The following CCBE1 variants were observed in gnomAD, a reference collection of about 807,000 sequenced individuals.
CCBE1 encodes the protein collagen and calcium binding EGF domains 1.
Under a neutral mutation model 50.0 loss-of-function variants are expected in CCBE1, and 37 were observed. The ratio of observed to expected loss-of-function variants is 0.74; its 90% CI spans 0.57 to 0.97. CCBE1 has a LOEUF of 0.97. Among genes scored for constraint, CCBE1 ranks in the 50% least tolerant of loss-of-function variants. The pLI, the probability that CCBE1 is intolerant of heterozygous loss-of-function variation, is 0.00. For missense variants in CCBE1, 538 were observed against 523.8 expected, an observed-to-expected ratio of 1.03 and a Z score of -0.26; for synonymous variants, 234 against 203.7, an observed-to-expected ratio of 1.15 and a Z score of -1.27.
chr18:59,636,687 TAAAGG>T, intron 2 of CCBE1, among the ~76,000 whole-genome samples: 1 of 152,274 alleles, frequency 6.6e-6, no homozygotes, highest in East Asian at 1.9e-4. Context: ...ATCCTCACAC[TAAAGG>T]AAAGTCTTCA....
rs1911910797 is a variant in CCBE1, at chr18:59,469,356, TA to T, written c.400+116del. On this transcript the variant is annotated intron_variant, in intron 4 of 10. Transcript: ENST00000439986. ...GGGCAGTGATAAGCTATCCCTAGGATAATATCAAACACAACTCCATCCAACA... is the reference window on the plus strand; with the variant it reads ...GGGCAGTGATAAGCTATCCCTAGGATATATCAAACACAACTCCATCCAACA... 5.9e-6 allele frequency: 8 copies of T among 1,352,760 alleles called. No individual in the cohort carries two copies. The East Asian group carries it at 1.8e-4, about 31-fold the overall frequency. The allele number at this position is 1,352,760 out of a possible 1,614,324, so 83.8% of individuals were successfully genotyped here.
intron 10 of CCBE1, 64 bp from the exon 11 acceptor site, chr18:59,436,205 G>T: frequency 5.0e-6 from 7 of 1,413,922 alleles, no homozygotes; most frequent in Non-Finnish European, 6.0e-6. Context: ...GGGGCTCCAT[G>T]ACTTGACCTG....
In CCBE1 at chr18:59,696,615, G is replaced by GC; in HGVS notation, c.212+13dup. On this transcript the variant is annotated intron_variant, in intron 2 of 10. Transcript: ENST00000439986. ...TGCGCAGTGGCGAACAGCCCGCAGA[G>GC]CCCCCAGGCTTACCTGTAGCATGTG... The GC allele has an allele frequency of 3.7e-6, 6 of 1,613,480 alleles. No homozygotes were observed. Among genetic ancestry groups the GC allele is most frequent in the Non-Finnish European group, 5.1e-6 (6 of 1,179,896 alleles).
In CCBE1 at chr18:59,439,588, A is replaced by G. The variant is rs756010612; in HGVS notation, c.916-10T>C. The G allele has an allele frequency of 1.2e-6, 2 of 1,614,272 alleles. No individual in the cohort carries two copies. Among genetic ancestry groups the G allele is most frequent in the South Asian group, 2.2e-5 (2 of 91,086 alleles). On this transcript the variant is annotated splice_polypyrimidine_tract_variant and intron_variant, in intron 8 of 10. Coordinates refer to ENST00000439986, the MANE Select transcript of CCBE1 (RefSeq NM_133459.4). ...GTGCCCCTGGTGGACCCTGTAATAC[A>G]AAAGGATCTGGTTTAACCACAGGCA...
intron 2 of CCBE1, among the ~76,000 whole-genome samples, chr18:59,544,405 A>T (rs1355179933): frequency 6.6e-6 from 1 of 152,230 alleles, no homozygotes; most frequent in Non-Finnish European, 1.5e-5. Flanking sequence ...AAAACTCTGT[A>T]TTTCTGAACA....
intron 2 of CCBE1, among the ~76,000 whole-genome samples, chr18:59,595,271 T>A (rs192285788): frequency 4.9e-4 from 75 of 152,038 alleles, no homozygotes; most frequent in African/African-American, 1.7e-3. Context: ...CCCAGACAAT[T>A]TTGTAAGCTT....
intron 4 of CCBE1, among the ~76,000 whole-genome samples, chr18:59,469,247 T>C (rs777660008): frequency 2.6e-5 from 4 of 152,252 alleles, no homozygotes; most frequent in African/African-American, 7.2e-5. Flanking sequence ...CCTGCTCTTA[T>C]GTCTCATTGC....
intron 2 of CCBE1, among the ~76,000 whole-genome samples, chr18:59,535,913 G>A (rs755194823): frequency 2.0e-5 from 3 of 152,154 alleles, no homozygotes; most frequent in Admixed American, 1.3e-4. Context: ...GTCTTGAACA[G>A]CTGAGCTCAA....
intron 2 of CCBE1, among the ~76,000 whole-genome samples, chr18:59,555,850 C>A (rs2052647913): frequency 6.6e-6 from 1 of 152,178 alleles, no homozygotes; most frequent in African/African-American, 2.4e-5. Flanking sequence ...TTGAAACATC[C>A]TGAAGAAACA....
chr18:59,455,021 G>A (rs190268643), intron 5 of CCBE1, 70 bp from the exon 6 acceptor site: 17 of 1,220,702 alleles, frequency 1.4e-5, no homozygotes, highest in African/African-American at 7.4e-5. Flanking sequence ...AGACAGCATC[G>A]GGAAGGGCGG....
chr18:59,477,639 A>G (rs686752), intron 3 of CCBE1, among the ~76,000 whole-genome samples: 35,004 of 151,936 alleles, frequency 0.23, 4,340 homozygotes, highest in Non-Finnish European at 0.27. Context: ...TAGTGACTTT[A>G]TATCACAGTA....
At chr18:59,532,139 C>G (rs997965720) in intron 2 of CCBE1, among the ~76,000 whole-genome samples, 8 of 152,266 alleles carry the variant, frequency 5.3e-5, no homozygotes, top group African/African-American at 1.4e-4. Context: ...GATCTCTGTT[C>G]ACTGCAACCT....
intron 2 of CCBE1, among the ~76,000 whole-genome samples, chr18:59,504,670 C>T (rs368099153): frequency 3.9e-5 from 6 of 152,282 alleles, no homozygotes; most frequent in African/African-American, 1.2e-4. Context: ...CTAGACAGTA[C>T]ATTTTGCATG....
At chr18:59,605,403 T>C (rs2053484532) in intron 2 of CCBE1, among the ~76,000 whole-genome samples, 1 of 152,120 alleles carries the variant, frequency 6.6e-6, no homozygotes, top group Admixed American at 6.5e-5. Context: ...ATGAACTAGC[T>C]GGGGTGTAGC....
chr18:59,641,009 A>T (rs2053981495), intron 2 of CCBE1, among the ~76,000 whole-genome samples: 1 of 152,290 alleles, frequency 6.6e-6, no homozygotes, highest in East Asian at 1.9e-4. Context: ...AGAAAAGGGA[A>T]CGCTCCTACA....
chr18:59,535,891 T>C (rs1178712000), intron 2 of CCBE1, among the ~76,000 whole-genome samples: 2 of 152,198 alleles, frequency 1.3e-5, no homozygotes, highest in Non-Finnish European at 2.9e-5. Flanking sequence ...AAAGTCTATG[T>C]TGCCCAAGCT....
Position 59,566,566 on chromosome 18 carries a change from T to C in CCBE1, c.213-86328A>G, listed in dbSNP as rs191749964. ...TCAGGCATTTGTTTGGAAAAGGCACTGATAAAGTAGGAAAGAAGTACTCAA... is the reference window on the plus strand; with the variant it reads ...TCAGGCATTTGTTTGGAAAAGGCACCGATAAAGTAGGAAAGAAGTACTCAA... On this transcript the variant is annotated intron_variant, in intron 2 of 10. Coordinates refer to ENST00000439986, the MANE Select transcript of CCBE1 (RefSeq NM_133459.4). 8.3e-3 allele frequency among the ~76,000 whole-genome samples: 1,268 copies of C among 152,322 alleles called. 13 individuals carry two copies. The highest frequency in any genetic ancestry group is 0.028 in the African/African-American group (1,175 of 41,572).
intron 2 of CCBE1, among the ~76,000 whole-genome samples, chr18:59,578,830 A>C (rs1211383125): frequency 6.6e-6 from 1 of 152,230 alleles, no homozygotes; most frequent in Admixed American, 6.5e-5. Flanking sequence ...GGATAGCATT[A>C]GGAGAAATAC....
At chr18:59,671,052 G>A (rs1202998058) in intron 2 of CCBE1, among the ~76,000 whole-genome samples, 1 of 152,182 alleles carries the variant, frequency 6.6e-6, no homozygotes, top group Non-Finnish European at 1.5e-5. Context: ...CCACAACTTG[G>A]CCTCAAGCAA....
Sources: gnomAD v4.1 joint callset for allele counts (sites outside exome capture counted in the v4.1 genomes callset) on GRCh38, gnomAD v4.1.1 for gene constraint, MANE v1.5 for transcripts, NCBI Gene and HGNC (gene_info 2026-07-23, HGNC 2026-07-21) for gene names.